The following CHN1 variants were observed in gnomAD, a reference collection of about 807,000 sequenced individuals.
CHN1 encodes the protein N-chimaerin.
A neutral mutation model predicts 59.5 loss-of-function variants in CHN1; 37 were observed. The observed-to-expected ratio is 0.62, with a 90% CI of 0.48 to 0.82. The LOEUF (loss-of-function observed/expected upper bound fraction) is 0.82. CHN1 is among the 40% of genes least tolerant of loss of function. The pLI is 0.00. For synonymous variants in CHN1, 206 were observed against 200.4 expected (o/e 1.03, Z -0.24); for missense variants, 469 against 571.0 (o/e 0.82, Z 1.82).
chr2:174,834,088 G>A (rs1446231537), intron 7 of CHN1, among the ~76,000 whole-genome samples: 1 of 152,160 alleles, frequency 6.6e-6, no homozygotes, highest in Non-Finnish European at 1.5e-5. Flanking sequence ...TTACAGGCGT[G>A]AGCCACCATG....
chr2:174,845,543 T>C (rs1686478874), intron 7 of CHN1, among the ~76,000 whole-genome samples: 1 of 152,192 alleles, frequency 6.6e-6, no homozygotes, highest in South Asian at 2.1e-4. Context: ...CGGTATTTAA[T>C]CTACTAAGTT....
chr2:174,935,085 C>T (rs1689457630), intron 3 of CHN1, among the ~76,000 whole-genome samples: 1 of 152,170 alleles, frequency 6.6e-6, no homozygotes, highest in African/African-American at 2.4e-5. Context: ...ACATAGAACC[C>T]TTTATTACTA....
intron 3 of CHN1, among the ~76,000 whole-genome samples, chr2:174,943,067 TTAAGTAAA>T (rs1247249958): frequency 2.0e-5 from 3 of 151,806 alleles, no homozygotes; most frequent in Admixed American, 6.6e-5. Context: ...AAATAAAAAG[TTAAGTAAA>T]TAAGTAAATA....
chr2:174,950,279 G>T (rs78054245), intron 2 of CHN1, among the ~76,000 whole-genome samples: 11 of 143,654 alleles, frequency 7.7e-5, no homozygotes, highest in Admixed American at 3.5e-4. Context: ...TTTTTTTTTT[G>T]ACATAGTTTT....
rs2105480304 is a variant in CHN1 at position 175,005,318 on chromosome 2, G to A, written c.-406C>T. On this transcript the variant is annotated 5_prime_UTR_variant, in exon 1 of 13. Coordinates refer to ENST00000409900, the MANE Select transcript of CHN1 (RefSeq NM_001822.7). ...CAGCAGCAGCCTCGCACAGCCCCCGGCGGGGCGCGCTCACTCCGCATCCCG... is the reference window on the plus strand; with the variant it reads ...CAGCAGCAGCCTCGCACAGCCCCCGACGGGGCGCGCTCACTCCGCATCCCG... The A allele has an allele frequency of 8.5e-7, 1 of 1,181,186 alleles. No individual in the cohort carries two copies. Among genetic ancestry groups the A allele is most frequent in the Non-Finnish European group, 1.1e-6 (1 of 936,880 alleles). 73.2% of individuals were successfully genotyped at this position (1,181,186 alleles called of 1,614,324 possible).
chr2:174,804,095 A>G (rs1268396592), intron 11 of CHN1, among the ~76,000 whole-genome samples: 1 of 152,158 alleles, frequency 6.6e-6, no homozygotes, highest in Non-Finnish European at 1.5e-5. Context: ...GGCAAGTGCA[A>G]TGGGAAAAAC....
intron 10 of CHN1, among the ~76,000 whole-genome samples, chr2:174,810,436 T>A (rs1329597317): frequency 6.6e-6 from 1 of 152,218 alleles, no homozygotes; most frequent in Non-Finnish European, 1.5e-5. Flanking sequence ...TACAGGAAAC[T>A]GTGTCATTTC....
chr2:174,877,769 T>C lies in CHN1; in HGVS notation c.549+71A>G. 2.9e-6 allele frequency: 4 copies of C among 1,403,134 alleles called. No homozygotes were observed. The South Asian group carries it at 5.6e-5, about 20-fold the overall frequency. 86.9% of individuals were successfully genotyped at this position (1,403,134 alleles called of 1,614,324 possible). On this transcript the variant is annotated intron_variant, in intron 6 of 12. Transcript: ENST00000409900. ...AAGCACTGTGGATAAATCAATCTCT[T>C]CTGGCAATAATGGCTTTCTTAAAAG...
chr2:175,005,081 C>A lies in CHN1; in HGVS notation c.-169G>T, dbSNP rs1387049983. ...CTGCAGGCCGGGACGCGGGGGACCG[C>A]TGCAAGAAAAAGTTATTCACGCGTT... On this transcript the variant is annotated 5_prime_UTR_variant, in exon 1 of 13. Coordinates refer to ENST00000409900, the MANE Select transcript of CHN1 (RefSeq NM_001822.7). 3.0e-6 allele frequency: 4 copies of A among 1,336,648 alleles called. No individual in the cohort carries two copies. The highest frequency in any genetic ancestry group is 3.8e-6 in the Non-Finnish European group (4 of 1,042,454). 82.8% of individuals were successfully genotyped at this position (1,336,648 alleles called of 1,614,324 possible).
intron 1 of CHN1, among the ~76,000 whole-genome samples, chr2:174,977,972 T>C (rs1691005183): frequency 6.6e-6 from 1 of 152,224 alleles, no homozygotes; most frequent in African/African-American, 2.4e-5. Flanking sequence ...TTGTTTTCTT[T>C]GTTCTGTGGA....
chr2:174,857,046 TATA>T (rs1686921902), intron 6 of CHN1, among the ~76,000 whole-genome samples: 2 of 152,134 alleles, frequency 1.3e-5, no homozygotes, highest in African/African-American at 4.8e-5. Flanking sequence ...TATAACAAAA[TATA>T]ATGAGATACA....
At chr2:174,863,972 T>C (rs184705851) in intron 6 of CHN1, among the ~76,000 whole-genome samples, 1 of 152,204 alleles carries the variant, frequency 6.6e-6, no homozygotes, top group Non-Finnish European at 1.5e-5. Context: ...TTCTCATAAG[T>C]ACTAGCATTA....
At position 174,810,955 on chromosome 2, in the gene CHN1, C is replaced by T. The variant is rs998801165; in HGVS notation, c.964+556G>A. The T allele has an allele frequency of 2.0e-5, 3 of 152,222 alleles. No homozygotes were observed. In the East Asian group the frequency reaches 5.8e-4, roughly 29 times the overall value. The allele number at this position is 152,222 out of a possible 1,614,324, so 9.4% of individuals were successfully genotyped here. The stretch of plus-strand genomic sequence containing the variant: ...AAGCAAATCTTAATTTAAATGTTAG[C>T]TAAGAAAATTAAGCTCCACTGAGCT... On this transcript the variant is annotated intron_variant, in intron 10 of 12. Transcript: ENST00000409900.
intron 6 of CHN1, among the ~76,000 whole-genome samples, chr2:174,848,909 G>A (rs189583071): frequency 6.6e-6 from 1 of 152,210 alleles, no homozygotes; most frequent in East Asian, 1.9e-4. Flanking sequence ...TCCTTGCCTA[G>A]CCTAAATTGC....
chr2:174,901,339 C>T (rs1455274903), intron 5 of CHN1, among the ~76,000 whole-genome samples: 1 of 152,166 alleles, frequency 6.6e-6, no homozygotes, highest in Non-Finnish European at 1.5e-5. Context: ...TTCTCTTTGC[C>T]CTCTCACTCA....
chr2:174,868,546 A>T (rs1210620176), intron 6 of CHN1, among the ~76,000 whole-genome samples: 1 of 152,246 alleles, frequency 6.6e-6, no homozygotes, highest in Non-Finnish European at 1.5e-5. Flanking sequence ...AAATAATTTA[A>T]TCTTTTTAAA....
chr2:174,810,465 T>C (rs1460108947), intron 10 of CHN1, among the ~76,000 whole-genome samples: 2 of 152,220 alleles, frequency 1.3e-5, no homozygotes, highest in African/African-American at 2.4e-5. Context: ...CTGGGGTCCA[T>C]AGGAACATTC....
intron 1 of CHN1, among the ~76,000 whole-genome samples, chr2:174,988,306 G>A (rs1271704472): frequency 2.0e-5 from 3 of 149,140 alleles, no homozygotes; most frequent in Admixed American, 6.7e-5. Context: ...GCAGTGAGTC[G>A]AGATCGCGCC....
chr2:174,983,663 A>G (rs1461116031), intron 1 of CHN1, among the ~76,000 whole-genome samples: 1 of 152,092 alleles, frequency 6.6e-6, no homozygotes, highest in Non-Finnish European at 1.5e-5. Flanking sequence ...CCCCGTCTCT[A>G]TGAAAAATAC....
Sources: gnomAD v4.1 joint callset for allele counts (sites outside exome capture counted in the v4.1 genomes callset) on GRCh38, gnomAD v4.1.1 for gene constraint, MANE v1.5 for transcripts, NCBI Gene and HGNC (gene_info 2026-07-23, HGNC 2026-07-21) for gene names.